Variants in ZC3H12B observed in about 807,000 individuals in gnomAD.
ZC3H12B encodes zinc finger CCCH-type containing 12B.
In ZC3H12B, 7 loss-of-function variants were observed where a neutral mutation model predicts 43.9. The ratio of observed to expected loss-of-function variants is 0.16; its 90% CI spans 0.09 to 0.30. ZC3H12B has a LOEUF of 0.30. ZC3H12B is among the 10% of genes least tolerant of loss of function. The probability of loss-of-function intolerance (pLI) is 1.00; values close to 1 mark genes in which losing one functional copy is unlikely to be tolerated. For synonymous variants in ZC3H12B, 222 were observed against 241.7 expected (o/e 0.92, Z 0.76); for missense variants, 475 against 670.2 (o/e 0.71, Z 3.22).
chrX:65,383,583 A>C (rs1395356251), intron 2 of ZC3H12B, among the ~76,000 whole-genome samples: 1 of 111,772 alleles, frequency 8.9e-6, no homozygotes, highest in South Asian at 3.7e-4. Context: ...CAATGGCAAC[A>C]AAAGCCAAAA....
the ZC3H12B span, among the ~76,000 whole-genome samples, chrX:65,295,980 A>G: frequency 8.9e-6 from 1 of 111,985 alleles, no homozygotes; most frequent in Non-Finnish European, 1.9e-5. Flanking sequence ...AAGTACATCT[A>G]TTGTTTAATC....
At chrX:65,195,440 G>C in the ZC3H12B span, among the ~76,000 whole-genome samples, 32 of 111,906 alleles carry the variant, frequency 2.9e-4, no homozygotes, top group Non-Finnish European at 5.8e-4. Context: ...CAAGCGAAGA[G>C]AACACTAATA....
At chrX:65,127,887 C>G in the ZC3H12B span, among the ~76,000 whole-genome samples, 5 of 111,347 alleles carry the variant, frequency 4.5e-5, no homozygotes, top group African/African-American at 1.3e-4. Flanking sequence ...TTTTCCCCAC[C>G]AATAGCACCA....
chrX:65,278,300 G>A, the ZC3H12B span, among the ~76,000 whole-genome samples: 1 of 111,163 alleles, frequency 9.0e-6, no homozygotes, highest in Non-Finnish European at 1.9e-5. Context: ...CCTGTGCCAC[G>A]ACAGTTTACA....
At chrX:65,158,565 G>C in the ZC3H12B span, among the ~76,000 whole-genome samples, 1 of 112,067 alleles carries the variant, frequency 8.9e-6, no homozygotes, top group Non-Finnish European at 1.9e-5. Flanking sequence ...CTGCATAAAT[G>C]TCTTCTTTTG....
At chrX:65,452,239 A>G (rs1046492126) in intron 3 of ZC3H12B, among the ~76,000 whole-genome samples, 1 of 111,568 alleles carries the variant, frequency 9.0e-6, no homozygotes, top group African/African-American at 3.3e-5. Context: ...AGGAAGTCAA[A>G]CGATCACTGT....
the ZC3H12B span, among the ~76,000 whole-genome samples, chrX:65,096,904 A>T: frequency 1.5e-4 from 17 of 111,645 alleles, no homozygotes; most frequent in African/African-American, 5.5e-4. Flanking sequence ...ATTCACATAA[A>T]CAAAAGTTCT....
chrX:65,416,597 C>T (rs1434733091), intron 3 of ZC3H12B, among the ~76,000 whole-genome samples: 3 of 103,624 alleles, frequency 2.9e-5, no homozygotes, highest in Admixed American at 1.0e-4. Context: ...CTAGCTAACA[C>T]GGTGAAACCC....
At chrX:65,300,986 GAA>G in the ZC3H12B span, among the ~76,000 whole-genome samples, 10 of 88,998 alleles carry the variant, frequency 1.1e-4, 1 homozygote, top group Middle Eastern at 5.7e-3. Context: ...AAATCAGCAA[GAA>G]AAAAAAAAAA....
chrX:65,077,537 T>C, the ZC3H12B span, among the ~76,000 whole-genome samples: 1 of 111,821 alleles, frequency 8.9e-6, no homozygotes, highest in African/African-American at 3.2e-5. Context: ...TGTGGGCAGA[T>C]CAGCTCACCT....
the ZC3H12B span, among the ~76,000 whole-genome samples, chrX:65,249,002 G>T: frequency 1.8e-5 from 2 of 111,379 alleles, no homozygotes; most frequent in Admixed American, 1.9e-4. Flanking sequence ...TGGATAGATC[G>T]TGAAGGTTTT....
the ZC3H12B span, among the ~76,000 whole-genome samples, chrX:65,082,462 T>C: frequency 9.0e-6 from 1 of 111,670 alleles, no homozygotes; most frequent in Non-Finnish European, 1.9e-5. Context: ...ATTCAGAGGA[T>C]CATTAGTGGT....
the ZC3H12B span, among the ~76,000 whole-genome samples, chrX:65,095,371 A>C: frequency 9.0e-6 from 1 of 111,582 alleles, no homozygotes; most frequent in East Asian, 2.8e-4. Flanking sequence ...AATAGATAAA[A>C]AGCTGAACAG....
At chrX:65,502,935 C>T (rs1200689873) in exon 5 of ZC3H12B, 5 of 1,211,811 alleles carry the variant, frequency 4.1e-6, no homozygotes, top group Non-Finnish European at 5.6e-6. Flanking sequence ...CACTCCTATC[C>T]CTTGAGTAAC....
chrX:65,278,681 T>C, the ZC3H12B span, among the ~76,000 whole-genome samples: 4 of 111,418 alleles, frequency 3.6e-5, no homozygotes, highest in African/African-American at 1.3e-4. Flanking sequence ...CTTCAGGGAT[T>C]CATGTGAAAG....
chrX:65,308,991 G>A, the ZC3H12B span, among the ~76,000 whole-genome samples: 1 of 111,791 alleles, frequency 8.9e-6, no homozygotes, highest in African/African-American at 3.2e-5. Context: ...TTAAAGCAGT[G>A]TGTAGAGGGA....
chrX:65,224,617 T>C, the ZC3H12B span, among the ~76,000 whole-genome samples: 2 of 112,157 alleles, frequency 1.8e-5, no homozygotes, highest in African/African-American at 3.2e-5. Context: ...TTCCCTTTCC[T>C]AGTCAAAGAA....
chrX:65,443,595 G>A (rs1393886266), intron 3 of ZC3H12B, among the ~76,000 whole-genome samples: 3 of 112,548 alleles, frequency 2.7e-5, no homozygotes, highest in Non-Finnish European at 3.8e-5. Context: ...GAAAGGATGG[G>A]CCAAATTAAT....
the ZC3H12B span, among the ~76,000 whole-genome samples, chrX:65,320,238 A>C: frequency 8.9e-6 from 1 of 111,904 alleles, no homozygotes; most frequent in Admixed American, 9.5e-5. Context: ...AATTACTGGG[A>C]TTCCGTTACA....
Sources: allele counts gnomAD v4.1 joint callset (sites outside exome capture counted in the v4.1 genomes callset), GRCh38; gene constraint gnomAD v4.1.1; transcripts MANE v1.5; gene names NCBI Gene and HGNC (gene_info 2026-07-23, HGNC 2026-07-21).